Variants in NR3C2 observed in about 807,000 individuals in gnomAD.
The protein encoded by NR3C2 is mineralocorticoid receptor.
In NR3C2, 15 loss-of-function variants were observed where a neutral mutation model predicts 86.4. That is an observed-to-expected ratio of 0.17 (90% confidence interval 0.12 to 0.27). The LOEUF is 0.27. NR3C2 is among the 10% of genes least tolerant of loss of function. The pLI is 1.00. For synonymous variants in NR3C2, 458 were observed against 450.5 expected (o/e 1.02, Z -0.21); for missense variants, 960 against 1,195.6 (o/e 0.80, Z 2.91).
intron 3 of NR3C2, among the ~76,000 whole-genome samples, chr4:148,230,803 T>A (rs1738420556): frequency 6.6e-6 from 1 of 152,216 alleles, no homozygotes; most frequent in South Asian, 2.1e-4. Context: ...AACAGGAGAA[T>A]GTATTTATGT....
intron 3 of NR3C2, among the ~76,000 whole-genome samples, chr4:148,230,052 C>T (rs1738380635): frequency 6.6e-6 from 1 of 152,156 alleles, no homozygotes; most frequent in Non-Finnish European, 1.5e-5. Context: ...GGAAAGCTGT[C>T]CTTCTTTAAT....
chr4:148,205,420 T>G (rs1232692622), intron 3 of NR3C2, among the ~76,000 whole-genome samples: 3 of 152,090 alleles, frequency 2.0e-5, no homozygotes, highest in African/African-American at 7.2e-5. Context: ...AACCACCTAG[T>G]TTCCTTCCCC....
intron 2 of NR3C2, among the ~76,000 whole-genome samples, chr4:148,287,077 G>T (rs1198698450): frequency 2.6e-5 from 4 of 152,228 alleles, no homozygotes; most frequent in African/African-American, 9.6e-5. Context: ...CAGCAAGTAA[G>T]GGATGGCCCA....
intron 2 of NR3C2, among the ~76,000 whole-genome samples, chr4:148,403,799 T>C (rs1377567825): frequency 2.0e-5 from 3 of 152,096 alleles, no homozygotes; most frequent in African/African-American, 7.2e-5. Context: ...CTAGTTTATG[T>C]TTTAAATGAA....
At chr4:148,348,363 A>T (rs1187662839) in intron 2 of NR3C2, among the ~76,000 whole-genome samples, 1 of 152,124 alleles carries the variant, frequency 6.6e-6, no homozygotes, top group East Asian at 1.9e-4. Context: ...TATTCTGTAC[A>T]TTCTATGAAG....
intron 2 of NR3C2, among the ~76,000 whole-genome samples, chr4:148,260,408 C>T (rs934598498): frequency 2.0e-5 from 3 of 152,270 alleles, no homozygotes; most frequent in African/African-American, 7.2e-5. Context: ...CAAAAAATCA[C>T]ACTATTTGCA....
intron 2 of NR3C2, among the ~76,000 whole-genome samples, chr4:148,264,212 A>G (rs139869520): frequency 3.3e-4 from 50 of 152,364 alleles, no homozygotes; most frequent in African/African-American, 1.1e-3. Flanking sequence ...TATTAACACA[A>G]GAGACAGGTC....
At chr4:148,245,011 C>T (rs1278167693) in intron 3 of NR3C2, among the ~76,000 whole-genome samples, 14 of 152,142 alleles carry the variant, frequency 9.2e-5, no homozygotes, top group East Asian at 1.9e-4. Flanking sequence ...CACCAGGATT[C>T]GAAGCAGCCC....
Position 148,113,567 on chromosome 4 carries a change from A to G in NR3C2, c.2799+537T>C, listed in dbSNP as rs189891543. The stretch of plus-strand genomic sequence containing the variant: ...TTTAACTCTTGCTGCTTTCTATCAG[A>G]TGATTTACTCTGATTCTTCCCAAAG... On this transcript the variant is annotated intron_variant, in intron 8 of 8. Transcript: ENST00000358102. 6.1e-4 allele frequency among the ~76,000 whole-genome samples: 93 copies of G among 152,282 alleles called. 2 individuals are homozygous for G. The South Asian group carries it at 1.0e-2, about 16-fold the overall frequency.
intron 2 of NR3C2, among the ~76,000 whole-genome samples, chr4:148,363,664 C>T (rs1446692280): frequency 2.6e-5 from 4 of 151,950 alleles, no homozygotes; most frequent in Non-Finnish European, 5.9e-5. Flanking sequence ...CCACCACGCC[C>T]GGCTAATGTT....
intron 3 of NR3C2, among the ~76,000 whole-genome samples, chr4:148,223,182 A>T (rs572343307): frequency 1.3e-5 from 2 of 152,244 alleles, no homozygotes; most frequent in African/African-American, 4.8e-5. Flanking sequence ...CCCTTCAGCA[A>T]TACAGAGCTA....
At chr4:148,364,814 G>GTT (rs11330551) in intron 2 of NR3C2, among the ~76,000 whole-genome samples, 32 of 139,718 alleles carry the variant, frequency 2.3e-4, no homozygotes, top group African/African-American at 5.8e-4. Context: ...TTGGCTTTGG[G>GTT]TTTTTTTTTT....
rs913378289 is a variant in NR3C2, at chr4:148,090,862, G to A, written c.2800-9363C>T. On this transcript the variant is annotated intron_variant, in intron 8 of 8. Coordinates refer to ENST00000358102, the MANE Select transcript of NR3C2 (RefSeq NM_000901.5). ...TCATGAGGGCTTCTGTTTATGCCTC[G>A]GTCAGCTGCAGAGGGATGGGACCTT... Among the ~76,000 whole-genome samples, 9 of 152,204 alleles carry A rather than the reference G, an allele frequency of 5.9e-5. No homozygotes were observed. In the South Asian group the frequency reaches 8.3e-4, roughly 14 times the overall value.
At chr4:148,158,903 T>C (rs950560940) in intron 4 of NR3C2, among the ~76,000 whole-genome samples, 9 of 152,236 alleles carry the variant, frequency 5.9e-5, no homozygotes, top group African/African-American at 1.9e-4. Context: ...TGTGAATATA[T>C]GTAGGACACT....
chr4:148,242,188 T>G (rs1739087543), intron 3 of NR3C2, among the ~76,000 whole-genome samples: 1 of 152,190 alleles, frequency 6.6e-6, no homozygotes, highest in Non-Finnish European at 1.5e-5. Flanking sequence ...TTGAAAATAA[T>G]TAAGATGATA....
intron 2 of NR3C2, among the ~76,000 whole-genome samples, chr4:148,294,182 T>C (rs1339045868): frequency 1.3e-5 from 2 of 152,188 alleles, no homozygotes; most frequent in Non-Finnish European, 2.9e-5. Flanking sequence ...TTGAATTAAA[T>C]ATGTACTACC....
In NR3C2 at chr4:148,078,845, T is replaced by C. The variant is rs1730409453; in HGVS notation, c.*2499A>G. On this transcript the variant is annotated 3_prime_UTR_variant, in exon 9 of 9. Transcript: ENST00000358102. The stretch of plus-strand genomic sequence containing the variant: ...TATGTTTTTGCATAAAGATATAAAT[T>C]GCTTCATTTTAAACTAATTTAGTGT... The C allele has an allele frequency of 6.5e-6, 1 of 152,690 alleles. No homozygotes were observed. Among genetic ancestry groups the C allele is most frequent in the Admixed American group, 6.5e-5 (1 of 15,286 alleles). 9.5% of individuals were successfully genotyped at this position (152,690 alleles called of 1,614,324 possible).
intron 2 of NR3C2, among the ~76,000 whole-genome samples, chr4:148,306,815 A>AT (rs1742650601): frequency 6.6e-6 from 1 of 152,236 alleles, no homozygotes; most frequent in East Asian, 1.9e-4. Flanking sequence ...TTAAAAATAG[A>AT]TTATAGCACA....
chr4:148,212,263 A>G (rs1194979073), intron 3 of NR3C2, among the ~76,000 whole-genome samples: 1 of 152,202 alleles, frequency 6.6e-6, no homozygotes, highest in Non-Finnish European at 1.5e-5. Flanking sequence ...TTTCTTCTCT[A>G]TGTGAAGGTT....
Sources: allele counts gnomAD v4.1 joint callset (sites outside exome capture counted in the v4.1 genomes callset), GRCh38; gene constraint gnomAD v4.1.1; transcripts MANE v1.5; gene names NCBI Gene and HGNC (gene_info 2026-07-23, HGNC 2026-07-21).